The following LUZP2 variants were observed in gnomAD, a reference collection of about 807,000 sequenced individuals.
The protein encoded by LUZP2 is leucine zipper protein 2.
In LUZP2, 52 loss-of-function variants were observed where a neutral mutation model predicts 51.6. The ratio of observed to expected loss-of-function variants is 1.01; its 90% confidence interval spans 0.81 to 1.27. The LOEUF is 1.27. Among genes scored for constraint, LUZP2 ranks in the 50% most tolerant of loss-of-function variants. The pLI is 0.00. For synonymous variants in LUZP2, 154 were observed against 137.3 expected, an observed-to-expected ratio of 1.12 and a Z score of -0.85; for missense variants, 436 against 395.4, an observed-to-expected ratio of 1.10 and a Z score of -0.87.
intron 5 of LUZP2, among the ~76,000 whole-genome samples, chr11:24,854,396 C>A (rs1394777571): frequency 1.3e-5 from 2 of 152,226 alleles, no homozygotes; most frequent in East Asian, 3.9e-4. Flanking sequence ...CCAGTTCAAA[C>A]TTCCCAGCAG....
intron 7 of LUZP2, among the ~76,000 whole-genome samples, chr11:24,952,224 A>T (rs562445822): frequency 6.6e-6 from 1 of 151,834 alleles, no homozygotes; most frequent in South Asian, 2.1e-4. Flanking sequence ...CCATCTATGT[A>T]TCGTGATCAC....
At chr11:24,524,203 A>G (rs1276774723) in intron 1 of LUZP2, among the ~76,000 whole-genome samples, 1 of 151,794 alleles carries the variant, frequency 6.6e-6, no homozygotes, top group Admixed American at 6.6e-5. Flanking sequence ...ACGTATTAAA[A>G]TATTTTTTTA....
At chr11:24,622,108 T>G (rs1234070394) in intron 1 of LUZP2, among the ~76,000 whole-genome samples, 1 of 151,876 alleles carries the variant, frequency 6.6e-6, no homozygotes, top group Non-Finnish European at 1.5e-5. Flanking sequence ...GCCCAGATAA[T>G]TTTTGTATTT....
At chr11:24,520,287 G>C (rs779933423) in intron 1 of LUZP2, among the ~76,000 whole-genome samples, 1 of 152,106 alleles carries the variant, frequency 6.6e-6, no homozygotes. Context: ...GTGTATGACC[G>C]AAAAGCAATA....
intron 1 of LUZP2, among the ~76,000 whole-genome samples, chr11:24,672,752 T>TA (rs1856437254): frequency 6.6e-6 from 1 of 152,196 alleles, no homozygotes; most frequent in South Asian, 2.1e-4. Flanking sequence ...AGCTATATGG[T>TA]ATATCCTATG....
At chr11:25,068,521 A>T (rs1401329958) in intron 10 of LUZP2, among the ~76,000 whole-genome samples, 1 of 151,896 alleles carries the variant, frequency 6.6e-6, no homozygotes, top group African/African-American at 2.4e-5. Context: ...AAGCTCTGGA[A>T]GTGAGAGAGG....
intron 5 of LUZP2, among the ~76,000 whole-genome samples, chr11:24,799,745 C>G (rs1345142685): frequency 6.6e-6 from 1 of 152,142 alleles, no homozygotes; most frequent in Non-Finnish European, 1.5e-5. Context: ...TTATAGCTAT[C>G]TCCTAGTAAT....
intron 10 of LUZP2, among the ~76,000 whole-genome samples, chr11:25,053,805 G>A (rs11028387): frequency 0.9 from 136,726 of 152,128 alleles, 62,449 homozygotes; most frequent in Non-Finnish European, 0.98. Context: ...TGTTGAGTAG[G>A]CACCAAGATG....
chr11:24,595,365 T>C (rs1308713626), intron 1 of LUZP2, among the ~76,000 whole-genome samples: 1 of 152,128 alleles, frequency 6.6e-6, no homozygotes, highest in Non-Finnish European at 1.5e-5. Flanking sequence ...GCACAGGCAC[T>C]GGGGAACTAA....
chr11:24,897,207 C>A (rs888502400), intron 5 of LUZP2, among the ~76,000 whole-genome samples: 8 of 152,086 alleles, frequency 5.3e-5, no homozygotes, highest in African/African-American at 1.9e-4. Context: ...ACGGACCAAT[C>A]AGCACTCCGT....
chr11:24,989,211 C>T (rs757830149), intron 9 of LUZP2, among the ~76,000 whole-genome samples: 2 of 151,954 alleles, frequency 1.3e-5, no homozygotes, highest in African/African-American at 2.4e-5. Context: ...AATGGGCTAC[C>T]TTACTAGCCC....
chr11:24,905,839 C>A, intron 5 of LUZP2, 152 bp from the exon 6 acceptor site: 1 of 456,508 alleles, frequency 2.2e-6, no homozygotes, highest in Non-Finnish European at 3.9e-6. Flanking sequence ...TTTTACTTTA[C>A]AGATTTGATT....
chr11:24,617,479 A>C (rs1854327546), intron 1 of LUZP2, among the ~76,000 whole-genome samples: 1 of 152,106 alleles, frequency 6.6e-6, no homozygotes, highest in African/African-American at 2.4e-5. Context: ...TTTTTGATTC[A>C]GTTGAGATTT....
At position 24,906,072 on chromosome 11, in the gene LUZP2, C is replaced by T. The variant is rs544222089; in HGVS notation, c.459+19C>T. 3 of 1,595,036 alleles carry T rather than the reference C, an allele frequency of 1.9e-6. No individual in the cohort carries two copies. In the African/African-American group the frequency reaches 4.0e-5, roughly 21 times the overall value. On this transcript the variant is annotated intron_variant, in intron 6 of 11. Transcript: ENST00000336930. ...AGAAGAGGTGAGTAAATTTTTGCTT[C>T]TTCTAGCTTTAACCAGATAAAAACA...
intron 5 of LUZP2, among the ~76,000 whole-genome samples, chr11:24,792,340 T>A (rs1201919774): frequency 6.6e-6 from 1 of 151,272 alleles, no homozygotes; most frequent in East Asian, 2.0e-4. Flanking sequence ...GGCAGGGGAA[T>A]CTCTTGAACC....
At chr11:25,046,472 G>T (rs143749920) in intron 9 of LUZP2, among the ~76,000 whole-genome samples, 5 of 151,960 alleles carry the variant, frequency 3.3e-5, no homozygotes, top group African/African-American at 1.2e-4. Context: ...CCTTGCTTCA[G>T]TACTGACCCT....
intron 1 of LUZP2, among the ~76,000 whole-genome samples, chr11:24,615,092 T>G (rs1048783836): frequency 4.6e-5 from 7 of 152,052 alleles, no homozygotes; most frequent in Non-Finnish European, 1.0e-4. Context: ...GTTATTCAAT[T>G]AAATCTTATT....
intron 1 of LUZP2, among the ~76,000 whole-genome samples, chr11:24,596,091 G>C (rs1438487691): frequency 3.3e-5 from 5 of 152,104 alleles, no homozygotes; most frequent in African/African-American, 7.2e-5. Context: ...AACCTTATGG[G>C]ATACTGGGAA....
chr11:24,815,007 TAAA>T (rs972555737), intron 5 of LUZP2, among the ~76,000 whole-genome samples: 252 of 33,180 alleles, frequency 7.6e-3, no homozygotes, highest in African/African-American at 0.032. Flanking sequence ...AAAAAAAAAA[TAAA>T]AATAATCAAT....
Sources: allele counts gnomAD v4.1 joint callset (sites outside exome capture counted in the v4.1 genomes callset), GRCh38; gene constraint gnomAD v4.1.1; transcripts MANE v1.5; gene names NCBI Gene and HGNC (gene_info 2026-07-23, HGNC 2026-07-21).